The following CELF1 variants were observed in gnomAD, a reference collection of about 807,000 sequenced individuals.
The protein encoded by CELF1 is CUGBP Elav-like family member 1, also known as 50 kDa nuclear polyadenylated RNA-binding protein.
Under a neutral mutation model 61.8 loss-of-function variants are expected in CELF1, and 10 were observed. That is an observed-to-expected ratio of 0.16 (90% CI 0.10 to 0.27). CELF1 has a LOEUF of 0.27. Among genes scored for constraint, CELF1 ranks in the 10% least tolerant of loss-of-function variants. The probability of loss-of-function intolerance (pLI) is 1.00; values close to 1 mark genes in which losing one functional copy is unlikely to be tolerated. For synonymous variants in CELF1, 236 were observed against 225.1 expected, an observed-to-expected ratio of 1.05 and a Z score of -0.43; for missense variants, 380 against 639.1, an observed-to-expected ratio of 0.59 and a Z score of 4.37.
At chr11:47,508,727 C>T (rs2094770144) in intron 1 of CELF1, among the ~76,000 whole-genome samples, 1 of 151,898 alleles carries the variant, frequency 6.6e-6, no homozygotes, top group Non-Finnish European at 1.5e-5. Context: ...ATCTTCCACA[C>T]AGGATTCTGT....
intron 9 of CELF1, among the ~76,000 whole-genome samples, chr11:47,480,089 C>A (rs1461333512): frequency 1.4e-5 from 2 of 139,166 alleles, no homozygotes; most frequent in East Asian, 2.0e-4. Flanking sequence ...CACGTCTACA[C>A]TTTTTTTTTT....
chr11:47,501,740 T>G (rs1434348372), intron 1 of CELF1, among the ~76,000 whole-genome samples: 2 of 152,028 alleles, frequency 1.3e-5, no homozygotes, highest in African/African-American at 4.8e-5. Context: ...GGAGAATAGC[T>G]TGAACCCAGG....
chr11:47,548,546 T>C lies in CELF1; in HGVS notation c.-154+4446A>G, dbSNP rs184204332. ...CAGAATGGGAGAAAATATCTGCAAA[T>C]CATCTATCTAATAAGGGGTTAATAT... On this transcript the variant is annotated intron_variant, in intron 1 of 14. Transcript: ENST00000687097. 8.5e-5 allele frequency among the ~76,000 whole-genome samples: 13 copies of C among 152,090 alleles called. No individual in the cohort carries two copies. The East Asian group carries it at 2.1e-3, about 25-fold the overall frequency.
At chr11:47,564,791 A>AAAAC (rs1001864637) in intron 1 of CELF1, among the ~76,000 whole-genome samples, 17 of 152,236 alleles carry the variant, frequency 1.1e-4, no homozygotes, top group African/African-American at 3.9e-4. Context: ...ACTCCGTCTC[A>AAAAC]AAACAAACAA....
Position 47,519,276 on chromosome 11 carries a change from C to G in CELF1, c.-153-18344G>C, listed in dbSNP as rs541592439. ...AGGTGGATCACTTGAGGTCAGAGTT[C>G]GAGACCAGCCTGGCCAACGGGGTGA... On this transcript the variant is annotated intron_variant, in intron 1 of 14. Transcript: ENST00000687097. 3.3e-5 allele frequency among the ~76,000 whole-genome samples: 5 copies of G among 151,982 alleles called. No homozygotes were observed. The East Asian group carries it at 9.7e-4, about 30-fold the overall frequency.
At chr11:47,528,223 A>G (rs2096325994) in intron 1 of CELF1, among the ~76,000 whole-genome samples, 1 of 151,860 alleles carries the variant, frequency 6.6e-6, no homozygotes, top group Non-Finnish European at 1.5e-5. Context: ...ATGGCCTTTG[A>G]TATGTCAGTT....
At chr11:47,501,431 C>T (rs2093884985) in intron 1 of CELF1, among the ~76,000 whole-genome samples, 1 of 152,176 alleles carries the variant, frequency 6.6e-6, no homozygotes, top group South Asian at 2.1e-4. Flanking sequence ...AGAAAGCTGC[C>T]TAGACCAAAG....
At chr11:47,533,476 G>C (rs1320150748) in intron 1 of CELF1, among the ~76,000 whole-genome samples, 1 of 152,048 alleles carries the variant, frequency 6.6e-6, no homozygotes, top group Non-Finnish European at 1.5e-5. Flanking sequence ...CAAAAAATTA[G>C]CCAGGCATGG....
intron 1 of CELF1, among the ~76,000 whole-genome samples, chr11:47,534,985 GA>G (rs201435556): frequency 1.1e-4 from 16 of 148,130 alleles, no homozygotes; most frequent in East Asian, 7.9e-4. Context: ...GTCAGAATTA[GA>G]AAAAAAAAAA....
intron 3 of CELF1, among the ~76,000 whole-genome samples, chr11:47,493,077 C>A (rs956541620): frequency 6.6e-6 from 1 of 152,106 alleles, no homozygotes; most frequent in South Asian, 2.1e-4. Flanking sequence ...TTACAGTTTA[C>A]CCAAAAGTTT....
intron 1 of CELF1, among the ~76,000 whole-genome samples, chr11:47,535,977 T>C (rs1267831871): frequency 6.6e-6 from 1 of 152,050 alleles, no homozygotes; most frequent in African/African-American, 2.4e-5. Flanking sequence ...TTAGCCAGGA[T>C]GGTCTTGATC....
At chr11:47,545,918 T>TAA in intron 1 of CELF1, among the ~76,000 whole-genome samples, 1 of 120,164 alleles carries the variant, frequency 8.3e-6, no homozygotes, top group Admixed American at 8.2e-5. Flanking sequence ...TATATATATT[T>TAA]TTTTTTTTTT....
chr11:47,555,439 C>T (rs2097203053), upstream of CELF1, among the ~76,000 whole-genome samples: 1 of 152,150 alleles, frequency 6.6e-6, no homozygotes, highest in Non-Finnish European at 1.5e-5. Context: ...TGACTTAGGG[C>T]TCCCATTTGC....
chr11:47,546,253 T>TTTTGG (rs2096944135), intron 1 of CELF1, among the ~76,000 whole-genome samples: 1 of 23,562 alleles, frequency 4.2e-5, no homozygotes, highest in African/African-American at 1.5e-4. Flanking sequence ...TTTTTTTTTT[T>TTTTGG]GGGCGGGGGC....
chr11:47,499,635 C>T lies in CELF1; in HGVS notation c.-81-31G>A, dbSNP rs1290529694. 4 of 789,634 alleles carry T rather than the reference C, an allele frequency of 5.1e-6. No individual in the cohort carries two copies. In the African/African-American group the frequency reaches 6.9e-5, roughly 14 times the overall value. 48.9% of individuals were successfully genotyped at this position (789,634 alleles called of 1,614,324 possible). A position where few individuals can be genotyped will look rare whatever the true frequency, so the allele number is the denominator to read the frequency against. ...CCCCACAAAAAACACAAAGTGGAAACAGGAGCTCAGGGAAACCAGCAATAA... is the reference window on the plus strand; with the variant it reads ...CCCCACAAAAAACACAAAGTGGAAATAGGAGCTCAGGGAAACCAGCAATAA... On this transcript the variant is annotated intron_variant, in intron 2 of 14. Coordinates refer to ENST00000687097, the MANE Select transcript of CELF1 (RefSeq NM_001376376.1).
intron 1 of CELF1, among the ~76,000 whole-genome samples, chr11:47,515,557 A>G (rs893307652): frequency 3.3e-5 from 5 of 152,218 alleles, no homozygotes; most frequent in African/African-American, 9.6e-5. Flanking sequence ...GGGCTGCACC[A>G]TATGTTAGTA....
intron 1 of CELF1, among the ~76,000 whole-genome samples, chr11:47,548,101 C>T (rs1319301245): frequency 6.6e-6 from 1 of 152,038 alleles, no homozygotes; most frequent in Non-Finnish European, 1.5e-5. Flanking sequence ...GAGTTCAAGA[C>T]CAGCCTGGCC....
intron 1 of CELF1, among the ~76,000 whole-genome samples, chr11:47,529,465 T>C (rs2096386077): frequency 6.6e-6 from 1 of 152,012 alleles, no homozygotes; most frequent in Non-Finnish European, 1.5e-5. Flanking sequence ...GGCGAGAAGA[T>C]CACATGAGGC....
chr11:47,542,433 G>T (rs113276824), intron 1 of CELF1, among the ~76,000 whole-genome samples: 2,612 of 151,632 alleles, frequency 0.017, 44 homozygotes, highest in African/African-American at 0.048. Context: ...ATTTGATTAA[G>T]TGAGATCCAT....
Sources: allele counts gnomAD v4.1 joint callset (sites outside exome capture counted in the v4.1 genomes callset), GRCh38; gene constraint gnomAD v4.1.1; transcripts MANE v1.5; gene names NCBI Gene and HGNC (gene_info 2026-07-23, HGNC 2026-07-21).